Variants in PRKCB observed in about 807,000 individuals in gnomAD.
PRKCB encodes protein kinase C beta.
PRKCB carries 13 observed loss-of-function variants against 81.5 expected under a neutral mutation model. The observed-to-expected ratio is 0.16, with a 90% CI of 0.10 to 0.25. The LOEUF (loss-of-function observed/expected upper bound fraction) is 0.25. Ranked by LOEUF, PRKCB falls within the 10% of genes least tolerant of loss-of-function variation. The pLI is 1.00. For missense variants in PRKCB, 509 were observed against 875.7 expected (o/e 0.58, Z 5.29); for synonymous variants, 335 against 321.4 (o/e 1.04, Z -0.45).
At chr16:24,181,450 G>C (rs1967620038) in intron 13 of PRKCB, among the ~76,000 whole-genome samples, 2 of 152,028 alleles carry the variant, frequency 1.3e-5, no homozygotes, top group African/African-American at 4.8e-5. Context: ...CACATTGTTA[G>C]AGAAAAAAAT....
rs1243421222 is a variant in PRKCB at position 24,059,995 on chromosome 16, C to T, written c.529+24448C>T. 2.0e-5 allele frequency among the ~76,000 whole-genome samples: 3 copies of T among 152,158 alleles called. No homozygotes were observed. In the East Asian group the frequency reaches 5.8e-4, roughly 29 times the overall value. ...TGTGGAAAGAGGAGTGTAGACAACT[C>T]ATGAGAATTTGGGTTGTGGAAGAAA... On this transcript the variant is annotated intron_variant, in intron 5 of 16. Coordinates refer to ENST00000643927, the MANE Select transcript of PRKCB (RefSeq NM_002738.7).
intron 2 of PRKCB, among the ~76,000 whole-genome samples, chr16:23,852,586 G>C (rs942399531): frequency 6.6e-6 from 1 of 152,110 alleles, no homozygotes; most frequent in Non-Finnish European, 1.5e-5. Context: ...TTCTTCTCTT[G>C]TGTTTTTGTT....
At chr16:24,200,623 G>A (rs1475095425) in intron 16 of PRKCB, among the ~76,000 whole-genome samples, 2 of 152,222 alleles carry the variant, frequency 1.3e-5, no homozygotes, top group Non-Finnish European at 2.9e-5. Flanking sequence ...GAGACTTCTT[G>A]CTGTGTCATC....
At position 24,218,743 on chromosome 16, in the gene PRKCB, G is replaced by C. The variant is rs1037348618; in HGVS notation, c.*3927G>C. 1.0e-6 allele frequency: 1 copy of C among 985,420 alleles called. No individual in the cohort carries two copies. Among genetic ancestry groups the C allele is most frequent in the Non-Finnish European group, 1.2e-6 (1 of 829,986 alleles). 61.0% of individuals were successfully genotyped at this position (985,420 alleles called of 1,614,324 possible). A position where few individuals can be genotyped will look rare whatever the true frequency, so the allele number is the denominator to read the frequency against. ...GCTAATGAGTCAGTGAATCCTTACC[G>C]ACCCCCTGGCCTTTATAATCTGAGG... On this transcript the variant is annotated 3_prime_UTR_variant, in exon 17 of 17. Coordinates refer to ENST00000643927, the MANE Select transcript of PRKCB (RefSeq NM_002738.7).
chr16:23,908,739 C>T (rs1189289916), intron 2 of PRKCB, among the ~76,000 whole-genome samples: 2 of 151,932 alleles, frequency 1.3e-5, no homozygotes, highest in South Asian at 2.1e-4. Context: ...ACCGTGATCT[C>T]GATCTCCTGA....
chr16:24,161,509 A>T (rs1324979518), intron 10 of PRKCB, among the ~76,000 whole-genome samples: 1 of 152,194 alleles, frequency 6.6e-6, no homozygotes, highest in African/African-American at 2.4e-5. Context: ...ATAGTTGTTT[A>T]AGTTTTTTTT....
intron 2 of PRKCB, among the ~76,000 whole-genome samples, chr16:23,919,222 T>A (rs1963787897): frequency 1.3e-5 from 2 of 152,194 alleles, no homozygotes; most frequent in South Asian, 4.1e-4. Flanking sequence ...TAGAGAAAAT[T>A]TCTGCACAAA....
At position 23,980,583 on chromosome 16, in the gene PRKCB, C is replaced by T. The variant is rs1006834425; in HGVS notation, c.206-7925C>T. Among the ~76,000 whole-genome samples, 7 of 152,240 alleles carry T rather than the reference C, an allele frequency of 4.6e-5. No individual in the cohort carries two copies. The East Asian group carries it at 7.7e-4, about 17-fold the overall frequency. On this transcript the variant is annotated intron_variant, in intron 2 of 16. Transcript: ENST00000643927. Reference sequence around the variant, plus strand: ...ATAGGTAGTAAAATGAGTGTTCAAACGAAGGTCCTCCTGCTTCCAGAAACT... The same window carrying T: ...ATAGGTAGTAAAATGAGTGTTCAAATGAAGGTCCTCCTGCTTCCAGAAACT...
chr16:24,022,715 G>C (rs564639592), intron 3 of PRKCB, among the ~76,000 whole-genome samples: 2 of 152,240 alleles, frequency 1.3e-5, no homozygotes, highest in South Asian at 4.1e-4. Flanking sequence ...GGATGGTCTC[G>C]ATCTCCTGAC....
At chr16:23,895,025 T>C (rs929164759) in intron 2 of PRKCB, among the ~76,000 whole-genome samples, 3 of 152,204 alleles carry the variant, frequency 2.0e-5, no homozygotes, top group Admixed American at 6.5e-5. Flanking sequence ...GGATTTACCA[T>C]ACCCCCAAAG....
chr16:23,897,487 G>A (rs909597507), intron 2 of PRKCB, among the ~76,000 whole-genome samples: 2 of 152,208 alleles, frequency 1.3e-5, no homozygotes, highest in Admixed American at 6.5e-5. Flanking sequence ...GGTATTTGGG[G>A]TGAATTTTAA....
At chr16:23,989,055 G>A (rs1457410642) in intron 3 of PRKCB, among the ~76,000 whole-genome samples, 1 of 152,016 alleles carries the variant, frequency 6.6e-6, no homozygotes, top group Non-Finnish European at 1.5e-5. Flanking sequence ...CCGCCTCCTG[G>A]GTTCATGCCA....
intron 2 of PRKCB, among the ~76,000 whole-genome samples, chr16:23,913,349 A>T (rs1266269548): frequency 6.6e-6 from 1 of 152,114 alleles, no homozygotes; most frequent in East Asian, 1.9e-4. Context: ...CAAAAAAAAA[A>T]AATCTGACTG....
At chr16:23,996,081 G>A (rs763314508) in intron 3 of PRKCB, among the ~76,000 whole-genome samples, 18 of 152,020 alleles carry the variant, frequency 1.2e-4, no homozygotes, top group Non-Finnish European at 2.4e-4. Context: ...TTGACTGGCT[G>A]GGCAGGGACT....
chr16:23,862,639 G>C (rs563456432), intron 2 of PRKCB, among the ~76,000 whole-genome samples: 2 of 152,282 alleles, frequency 1.3e-5, no homozygotes, highest in African/African-American at 4.8e-5. Context: ...CCTATGGAAA[G>C]GTTGGGTCTA....
intron 16 of PRKCB, among the ~76,000 whole-genome samples, chr16:24,205,612 G>C (rs1304786447): frequency 6.6e-6 from 1 of 152,144 alleles, no homozygotes; most frequent in African/African-American, 2.4e-5. Context: ...TAGAGCTTTT[G>C]GGGGGATTAA....
chr16:23,921,512 A>G (rs1597246716), intron 2 of PRKCB, among the ~76,000 whole-genome samples: 1 of 152,268 alleles, frequency 6.6e-6, no homozygotes, highest in South Asian at 2.1e-4. Context: ...TGTGATAAAG[A>G]TGTGCTAGGC....
At chr16:24,189,758 A>C (rs893697757) in intron 15 of PRKCB, among the ~76,000 whole-genome samples, 6 of 152,280 alleles carry the variant, frequency 3.9e-5, no homozygotes, top group South Asian at 2.1e-4. Flanking sequence ...TGAGACCACA[A>C]ATTATCTTGC....
intron 7 of PRKCB, chr16:24,099,547 A>G (rs1452527508): frequency 6.6e-6 from 1 of 152,258 alleles, no homozygotes; most frequent in Non-Finnish European, 1.5e-5. Context: ...AAATCAATAC[A>G]TGGAGATTAT....
Sources: gnomAD v4.1 joint callset for allele counts (sites outside exome capture counted in the v4.1 genomes callset) on GRCh38, gnomAD v4.1.1 for gene constraint, MANE v1.5 for transcripts, NCBI Gene and HGNC (gene_info 2026-07-23, HGNC 2026-07-21) for gene names.